ME3: variants seen among roughly 807,000 people sequenced by gnomAD.
The protein encoded by ME3 is malic enzyme 3.
Under a neutral mutation model 68.9 loss-of-function variants are expected in ME3, and 48 were observed. That is an observed-to-expected ratio of 0.70 (90% CI 0.55 to 0.89). The LOEUF (loss-of-function observed/expected upper bound fraction) is 0.89. Among genes scored for constraint, ME3 ranks in the 40% least tolerant of loss-of-function variants. The pLI is 0.00. For missense variants in ME3, 675 were observed against 797.4 expected (o/e 0.85, Z 1.85); for synonymous variants, 320 against 318.8 (o/e 1.00, Z -0.04).
At chr11:86,662,201 A>C (rs1271533460) in intron 2 of ME3, among the ~76,000 whole-genome samples, 1 of 152,252 alleles carries the variant, frequency 6.6e-6, no homozygotes, top group East Asian at 1.9e-4. Context: ...TAGAAGTGTT[A>C]GTACAGCGTA....
intron 4 of ME3, among the ~76,000 whole-genome samples, chr11:86,525,619 C>T (rs1308780020): frequency 2.0e-5 from 3 of 152,018 alleles, no homozygotes. Context: ...TCCCAGCACT[C>T]TGGGAGGCCA....
intron 4 of ME3, among the ~76,000 whole-genome samples, chr11:86,519,198 CTG>C (rs1295117929): frequency 1.6e-4 from 24 of 152,182 alleles, no homozygotes; most frequent in African/African-American, 5.5e-4. Flanking sequence ...AGCTCAAAGT[CTG>C]TTGGAATTTC....
Position 86,602,779 on chromosome 11 carries a change from A to C in ME3, c.184-42956T>G, listed in dbSNP as rs190475695. 9.9e-3 allele frequency among the ~76,000 whole-genome samples: 1,512 copies of C among 152,240 alleles called. 21 individuals carry two copies. The highest frequency in any genetic ancestry group is 0.053 in the South Asian group (256 of 4,812). On this transcript the variant is annotated intron_variant, in intron 2 of 14. Transcript: ENST00000543262. ...ATAGACCAATGGAACAGAACAGAGC[A>C]CTCAGAAATAACGCCACATATCTAC...
In ME3 at chr11:86,660,622, C is replaced by T. The variant is rs77188594; in HGVS notation, c.183+11140G>A. Among the ~76,000 whole-genome samples the T allele has an allele frequency of 6.3e-3, 954 of 152,244 alleles. 4 individuals carry two copies. The highest frequency in any genetic ancestry group is 0.022 in the African/African-American group (912 of 41,534). On this transcript the variant is annotated intron_variant, in intron 2 of 14. Transcript: ENST00000543262. ...GCCTTTGAGCTCTGCTGCCTAATACCTGGTCACAGGCTATGCCCCTTGAGG... is the reference window on the plus strand; with the variant it reads ...GCCTTTGAGCTCTGCTGCCTAATACTTGGTCACAGGCTATGCCCCTTGAGG...
chr11:86,438,312 C>T (rs12274297), downstream of ME3, among the ~76,000 whole-genome samples: 51,757 of 151,818 alleles, frequency 0.34, 9,297 homozygotes, highest in Admixed American at 0.41. Flanking sequence ...TAAAAAACTA[C>T]GTTTCTGAGG....
chr11:86,659,626 G>A (rs1946145923), intron 2 of ME3, among the ~76,000 whole-genome samples: 1 of 152,204 alleles, frequency 6.6e-6, no homozygotes, highest in South Asian at 2.1e-4. Context: ...CCGTGGCAGT[G>A]TGGATGGAGA....
chr11:86,577,500 C>G (rs1193139413), intron 2 of ME3, among the ~76,000 whole-genome samples: 4 of 152,196 alleles, frequency 2.6e-5, no homozygotes, highest in Non-Finnish European at 5.9e-5. Context: ...TTGCTAGATG[C>G]TAGGGCTGCC....
chr11:86,523,759 C>G (rs912361185), intron 4 of ME3, among the ~76,000 whole-genome samples: 2 of 152,056 alleles, frequency 1.3e-5, no homozygotes, highest in Non-Finnish European at 2.9e-5. Context: ...CTTGAACCTC[C>G]ATCACATCAT....
chr11:86,540,692 A>G (rs998199074), intron 4 of ME3, among the ~76,000 whole-genome samples: 1 of 152,218 alleles, frequency 6.6e-6, no homozygotes, highest in Admixed American at 6.5e-5. Context: ...GATTAACACA[A>G]GGACATGAAT....
chr11:86,477,651 G>C (rs1002267242), intron 7 of ME3, among the ~76,000 whole-genome samples: 1 of 152,136 alleles, frequency 6.6e-6, no homozygotes, highest in Admixed American at 6.5e-5. Flanking sequence ...AAAATGAAAA[G>C]GAAATAGCCA....
At chr11:86,506,527 C>G (rs556207282) in intron 5 of ME3, among the ~76,000 whole-genome samples, 1 of 152,312 alleles carries the variant, frequency 6.6e-6, no homozygotes, top group Admixed American at 6.5e-5. Context: ...ATCCCCTCAC[C>G]AAGCCCCTGT....
chr11:86,534,933 T>TC (rs35180248), intron 4 of ME3, among the ~76,000 whole-genome samples: 36,308 of 151,700 alleles, frequency 0.24, 4,440 homozygotes, highest in African/African-American at 0.27. Flanking sequence ...AAATGGAGAG[T>TC]TTGGGCCCTA....
chr11:86,503,720 C>T (rs1449822770), intron 5 of ME3, among the ~76,000 whole-genome samples: 1 of 152,226 alleles, frequency 6.6e-6, no homozygotes, highest in Non-Finnish European at 1.5e-5. Context: ...ACTAGCAATC[C>T]GCTCTAAGTA....
intron 2 of ME3, among the ~76,000 whole-genome samples, chr11:86,594,699 C>G (rs542506206): frequency 6.9e-6 from 1 of 144,910 alleles, no homozygotes; most frequent in Non-Finnish European, 1.5e-5. Flanking sequence ...CAAAAAAACA[C>G]AAAAAAACAA....
intron 6 of ME3, among the ~76,000 whole-genome samples, chr11:86,496,562 C>T (rs756192756): frequency 1.6e-4 from 24 of 152,264 alleles, no homozygotes; most frequent in Non-Finnish European, 3.4e-4. Flanking sequence ...CAAGAATTTA[C>T]AAAATGACCA....
intron 2 of ME3, among the ~76,000 whole-genome samples, chr11:86,623,880 C>T (rs1943499262): frequency 6.6e-6 from 1 of 152,120 alleles, no homozygotes; most frequent in South Asian, 2.1e-4. Context: ...TAGATGTCTT[C>T]TGAAATGTCT....
intron 8 of ME3, among the ~76,000 whole-genome samples, chr11:86,459,797 C>T (rs1237193727): frequency 6.6e-6 from 1 of 152,178 alleles, no homozygotes; most frequent in African/African-American, 2.4e-5. Flanking sequence ...GTGCTAATAG[C>T]CTGACATAAC....
rs1185091490 is a variant in ME3 at position 86,667,120 on chromosome 11, G to C, written c.183+4642C>G. On this transcript the variant is annotated intron_variant, in intron 2 of 14. Coordinates refer to ENST00000543262, the Ensembl canonical transcript of ME3. ...AAATGTATCAAGTCCACCTGGGAAG[G>C]CCATCACCCGTGGTGCCTTGCAGTC... Among the ~76,000 whole-genome samples the C allele has an allele frequency of 2.6e-5, 4 of 152,288 alleles. No homozygotes were observed. In the South Asian group the frequency reaches 6.2e-4, roughly 24 times the overall value.
chr11:86,596,710 A>C (rs1301057086), intron 2 of ME3, among the ~76,000 whole-genome samples: 1 of 152,250 alleles, frequency 6.6e-6, no homozygotes, highest in African/African-American at 2.4e-5. Flanking sequence ...CTGAAATTTC[A>C]GAAAGATTCA....
Sources: gnomAD v4.1 joint callset for allele counts (sites outside exome capture counted in the v4.1 genomes callset) on GRCh38, gnomAD v4.1.1 for gene constraint, MANE v1.5 for transcripts, NCBI Gene and HGNC (gene_info 2026-07-23, HGNC 2026-07-21) for gene names.